The following CYP2E1 variants were observed in gnomAD, a reference collection of about 807,000 sequenced individuals.
CYP2E1 encodes cytochrome P450 family 2 subfamily E member 1.
Under a neutral mutation model 42.9 loss-of-function variants are expected in CYP2E1, and 31 were observed. The ratio of observed to expected loss-of-function variants is 0.72; its 90% CI spans 0.54 to 0.98. CYP2E1 has a LOEUF of 0.98. Ranked by LOEUF, CYP2E1 falls within the 50% of genes least tolerant of loss-of-function variation. CYP2E1 has a pLI of 0.00. For synonymous variants in CYP2E1, 244 were observed against 248.9 expected (o/e 0.98, Z 0.19); for missense variants, 565 against 633.2 (o/e 0.89, Z 1.16).
intron 4 of CYP2E1, 102 bp from the exon 5 acceptor site, chr10:133,532,590 G>A (rs1316621878): frequency 9.1e-7 from 1 of 1,103,686 alleles, no homozygotes; most frequent in African/African-American, 1.6e-5. Context: ...AATAAACAAT[G>A]ATTACAGCCA....
chr10:133,528,086 C>T (rs1490922141), intron 1 of CYP2E1: 19 of 241,336 alleles, frequency 7.9e-5, no homozygotes, highest in Non-Finnish European at 1.5e-4. Flanking sequence ...GGGGCGCAGG[C>T]TGACGGCGGG....
intron 6 of CYP2E1, 26 bp downstream of exon 6, chr10:133,533,923 G>A (rs563050784): frequency 8.7e-6 from 14 of 1,612,756 alleles, no homozygotes; most frequent in South Asian, 7.7e-5. Context: ...AAGGGACACC[G>A]TGCGTGCGGC....
At chr10:133,537,706 C>T (rs1851422375) in intron 7 of CYP2E1, 45 bp from the exon 8 acceptor site, 2 of 1,570,480 alleles carry the variant, frequency 1.3e-6, no homozygotes, top group Non-Finnish European at 1.7e-6. Flanking sequence ...TGAAAGCCCA[C>T]ATTTTGTTAA....
At chr10:133,531,446 C>A (rs1851334745) in intron 2 of CYP2E1, 139 bp from the exon 3 acceptor site, 3 of 1,028,014 alleles carry the variant, frequency 2.9e-6, no homozygotes, top group Non-Finnish European at 4.5e-6. Flanking sequence ...GGACACCCCT[C>A]TGTCTCTCTG....
chr10:133,532,084 C>G (rs971765663), intron 3 of CYP2E1, 40 bp from the exon 4 acceptor site: 3 of 1,596,438 alleles, frequency 1.9e-6, no homozygotes, highest in African/African-American at 2.7e-5. Context: ...GGAGTCTCCT[C>G]ACCCCCATCT....
intron 6 of CYP2E1, 34 bp downstream of exon 6, chr10:133,533,931 G>A (rs1271438106): frequency 4.3e-6 from 7 of 1,611,492 alleles, no homozygotes; most frequent in Admixed American, 1.7e-5. Flanking sequence ...CCGTGCGTGC[G>A]GCTGCATCTC....
intron 2 of CYP2E1, 27 bp downstream of exon 2, chr10:133,528,667 G>C (rs771907160): frequency 1.9e-6 from 3 of 1,611,226 alleles, no homozygotes; most frequent in East Asian, 4.5e-5. Flanking sequence ...GGCACGGAGC[G>C]GGGGGTGCAT....
chr10:133,538,668 G>T, intron 8 of CYP2E1, 112 bp from the exon 9 acceptor site: 1 of 921,576 alleles, frequency 1.1e-6, no homozygotes, highest in Non-Finnish European at 1.7e-6. Flanking sequence ...CCTGCCTTGT[G>T]ATGGCCGTTT....
chr10:133,538,651 G>A (rs534457546), intron 8 of CYP2E1, 129 bp from the exon 9 acceptor site: 11 of 755,942 alleles, frequency 1.5e-5, no homozygotes, highest in South Asian at 3.5e-5. Context: ...GGCAGAGAAG[G>A]GTGAGTCCTG....
rs1024495233 is a variant in CYP2E1, at chr10:133,528,699, G to A, written c.337+59G>A. The stretch of plus-strand genomic sequence containing the variant: ...GCATAACACGCCCCGGGACAGTTAC[G>A]GGCGCTAGCCACGTCGGCGATGGCC... On this transcript the variant is annotated intron_variant, in intron 2 of 8. Coordinates refer to ENST00000252945, the MANE Select transcript of CYP2E1 (RefSeq NM_000773.4). 15 of 1,593,322 alleles carry A rather than the reference G, an allele frequency of 9.4e-6. No homozygotes were observed. The African/African-American group carries it at 1.5e-4, about 16-fold the overall frequency.
intron 1 of CYP2E1, chr10:133,528,092 G>A (rs1019762245): frequency 4.1e-6 from 1 of 241,410 alleles, no homozygotes; most frequent in Non-Finnish European, 8.1e-6. Context: ...CAGGCTGACG[G>A]CGGGCGGGGG....
At chr10:133,531,451 T>TCTCTGTCCCTCTGCCCCCTCTGTCA in intron 2 of CYP2E1, 134 bp from the exon 3 acceptor site, 1 of 1,069,394 alleles carries the variant, frequency 9.4e-7, no homozygotes, top group Non-Finnish European at 1.4e-6. Flanking sequence ...CCCCTCTGTC[T>TCTCTGTCCCTCTGCCCCCTCTGTCA]CTCTGTCCCT....
chr10:133,531,889 G>A (rs9919378), intron 3 of CYP2E1, 155 bp downstream of exon 3: 6 of 842,086 alleles, frequency 7.1e-6, no homozygotes, highest in African/African-American at 1.7e-5. Context: ...ACAACTCTAG[G>A]TTCCAGCTAC....
At position 133,538,879 on chromosome 10, in the gene CYP2E1, CA is replaced by C; in HGVS notation, c.1400del (p.Lys467ArgfsTer72). The part of the protein sequence containing the change: ...QHFNLKPLVD[P>X]KDIDLSPIHI... ...TTTAATTTGAAGCCTCTCGTTGACC[CA>C]AAGGATATCGACCTCAGCCCTATAC... On this transcript the variant is annotated frameshift_variant, in exon 9 of 9. Transcript: ENST00000252945. LOFTEE classifies it low-confidence loss of function (END_TRUNC). The C allele has an allele frequency of 1.2e-6, 2 of 1,614,056 alleles. No individual in the cohort carries two copies. The highest frequency in any genetic ancestry group is 1.1e-5 in the South Asian group (1 of 91,066).
In CYP2E1 at chr10:133,537,200, C is replaced by G; in HGVS notation, c.1105C>G (p.Pro369Ala). 1 of 1,614,080 alleles carries G rather than the reference C, an allele frequency of 6.2e-7. No homozygotes were observed. The highest frequency in any genetic ancestry group is 1.1e-5 in the South Asian group (1 of 91,078). ...CATCACCCTCGTGCCCTCCAACCTG[C>G]CCCATGAAGCAACCCGAGACACCAT... ...RFITLVPSNL[P>A]HEATRDTIFR... The change falls in exon 7 of 9, where the codon CCC (proline) becomes GCC (alanine). Residue 369 changes from proline to alanine, a missense_variant. Transcript: ENST00000252945.
intron 8 of CYP2E1, among the ~76,000 whole-genome samples, chr10:133,538,218 C>A (rs532736038): frequency 6.6e-6 from 1 of 152,058 alleles, no homozygotes; most frequent in Non-Finnish European, 1.5e-5. Flanking sequence ...GCCATATTAC[C>A]CAATTCTCCC....
At chr10:133,530,137 C>T (rs1038178050) in intron 2 of CYP2E1, among the ~76,000 whole-genome samples, 1 of 152,116 alleles carries the variant, frequency 6.6e-6, no homozygotes, top group African/African-American at 2.4e-5. Flanking sequence ...ACCCGCAGGG[C>T]GCAGACTGGC....
chr10:133,528,367 G>C (rs1851296104), intron 1 of CYP2E1, 114 bp from the exon 2 acceptor site: 1 of 1,256,682 alleles, frequency 8.0e-7, no homozygotes, highest in Non-Finnish European at 1.1e-6. Flanking sequence ...TTTTCCCCAC[G>C]TCCCTCTGGG....
intron 2 of CYP2E1, among the ~76,000 whole-genome samples, chr10:133,529,513 C>T (rs901837212): frequency 2.0e-5 from 3 of 152,266 alleles, no homozygotes; most frequent in Non-Finnish European, 2.9e-5. Flanking sequence ...TGACGAGGCT[C>T]CAGAAAACCT....
Sources: allele counts gnomAD v4.1 joint callset (sites outside exome capture counted in the v4.1 genomes callset), GRCh38; gene constraint gnomAD v4.1.1; transcripts MANE v1.5; gene names NCBI Gene and HGNC (gene_info 2026-07-23, HGNC 2026-07-21).